The following AFG2A variants were observed in gnomAD, a reference collection of about 807,000 sequenced individuals.
AFG2A encodes AAA ATPase AFG2A, also known as ATPase family gene 2 protein homolog A.
the AFG2A span, among the ~76,000 whole-genome samples, chr4:123,126,863 C>G: frequency 6.6e-6 from 1 of 152,118 alleles, no homozygotes; most frequent in Non-Finnish European, 1.5e-5. Context: ...ATACAGAGAT[C>G]AAATCATATT....
the AFG2A span, among the ~76,000 whole-genome samples, chr4:122,985,697 T>C: frequency 1.3e-5 from 2 of 152,064 alleles, no homozygotes; most frequent in South Asian, 2.1e-4. Flanking sequence ...ATCTTTCTAA[T>C]TGTCTATTTT....
At chr4:122,953,610 C>T in the AFG2A span, among the ~76,000 whole-genome samples, 2 of 152,364 alleles carry the variant, frequency 1.3e-5, no homozygotes, top group East Asian at 1.9e-4. Context: ...GGGTGGCGGG[C>T]TGAACCTGAG....
At chr4:123,129,123 C>G in the AFG2A span, among the ~76,000 whole-genome samples, 2 of 152,108 alleles carry the variant, frequency 1.3e-5, no homozygotes, top group Non-Finnish European at 2.9e-5. Context: ...ATGGAGGCTA[C>G]TGCATTTTCA....
the AFG2A span, among the ~76,000 whole-genome samples, chr4:123,167,566 C>G: frequency 6.6e-6 from 1 of 152,130 alleles, no homozygotes; most frequent in Non-Finnish European, 1.5e-5. Context: ...CCAGGATGGT[C>G]TCGCTCTCCT....
At chr4:123,304,160 C>G in the AFG2A span, among the ~76,000 whole-genome samples, 7 of 152,222 alleles carry the variant, frequency 4.6e-5, no homozygotes, top group South Asian at 1.5e-3. Flanking sequence ...TTTGGGGCAC[C>G]CCTTGCTGTT....
chr4:123,020,429 C>T, the AFG2A span, among the ~76,000 whole-genome samples: 1 of 149,956 alleles, frequency 6.7e-6, no homozygotes, highest in South Asian at 2.1e-4. Flanking sequence ...AGTTCAATGG[C>T]GCGATCTCGG....
chr4:123,101,775 A>G, the AFG2A span, among the ~76,000 whole-genome samples: 1 of 151,930 alleles, frequency 6.6e-6, no homozygotes, highest in Non-Finnish European at 1.5e-5. Context: ...AGCTGAGGAA[A>G]TGGGTCTGGA....
At chr4:122,935,563 G>T in the AFG2A span, 2 of 764,850 alleles carry the variant, frequency 2.6e-6, no homozygotes, top group Non-Finnish European at 1.9e-6. Context: ...GGGCTAGTTA[G>T]TACATCTTTC....
At chr4:123,167,895 C>G in the AFG2A span, among the ~76,000 whole-genome samples, 6 of 152,190 alleles carry the variant, frequency 3.9e-5, no homozygotes, top group African/African-American at 1.4e-4. Flanking sequence ...AGGTCATCAT[C>G]AAAACAAAAA....
the AFG2A span, among the ~76,000 whole-genome samples, chr4:123,232,553 T>G: frequency 6.6e-6 from 1 of 151,982 alleles, no homozygotes; most frequent in African/African-American, 2.4e-5. Context: ...AGGGACAGAT[T>G]TGAGTCAGCT....
At chr4:123,076,992 G>A in the AFG2A span, among the ~76,000 whole-genome samples, 1 of 151,282 alleles carries the variant, frequency 6.6e-6, no homozygotes, top group Non-Finnish European at 1.5e-5. Flanking sequence ...GGTGGGGCGG[G>A]GGGGTTGTGT....
At chr4:123,129,795 G>T in the AFG2A span, among the ~76,000 whole-genome samples, 1 of 152,040 alleles carries the variant, frequency 6.6e-6, no homozygotes, top group Admixed American at 6.6e-5. Flanking sequence ...TCAGATCTTT[G>T]CTCTGACCGA....
At chr4:123,221,242 ACCT>A in the AFG2A span, among the ~76,000 whole-genome samples, 3 of 151,976 alleles carry the variant, frequency 2.0e-5, no homozygotes, top group African/African-American at 7.2e-5. Context: ...TGCAGCCTAG[ACCT>A]CCTGGGCTCA....
chr4:122,929,717 C>T, the AFG2A span, among the ~76,000 whole-genome samples: 3 of 151,968 alleles, frequency 2.0e-5, no homozygotes, highest in Middle Eastern at 3.4e-3. Context: ...AAAAAGTTAC[C>T]AATAAGATAT....
At chr4:123,000,776 G>A in the AFG2A span, among the ~76,000 whole-genome samples, 1 of 77,180 alleles carries the variant, frequency 1.3e-5, no homozygotes, top group Non-Finnish European at 3.4e-5. Flanking sequence ...TTTTTTGGTT[G>A]TGTCTCTGCC....
At chr4:123,193,930 A>G in the AFG2A span, among the ~76,000 whole-genome samples, 1 of 152,314 alleles carries the variant, frequency 6.6e-6, no homozygotes, top group South Asian at 2.1e-4. Flanking sequence ...TTAAAATGTA[A>G]AAGGGGAGAA....
the AFG2A span, among the ~76,000 whole-genome samples, chr4:123,123,194 AC>A: frequency 1.3e-5 from 2 of 152,202 alleles, no homozygotes; most frequent in Admixed American, 6.5e-5. Flanking sequence ...TCCACAGGCA[AC>A]CAACACTGGT....
the AFG2A span, among the ~76,000 whole-genome samples, chr4:123,085,310 A>G: frequency 2.0e-5 from 3 of 152,228 alleles, no homozygotes; most frequent in African/African-American, 7.2e-5. Context: ...TGAAGTTTTC[A>G]GCTATAATAG....
At chr4:123,132,988 G>T in the AFG2A span, among the ~76,000 whole-genome samples, 1 of 152,052 alleles carries the variant, frequency 6.6e-6, no homozygotes, top group African/African-American at 2.4e-5. Context: ...CACCGTGTTA[G>T]CCAGGATGGT....
Sources: gnomAD v4.1 joint callset for allele counts (sites outside exome capture counted in the v4.1 genomes callset) on GRCh38, gnomAD v4.1.1 for gene constraint, MANE v1.5 for transcripts, NCBI Gene and HGNC (gene_info 2026-07-23, HGNC 2026-07-21) for gene names.